The following DCHS2 variants were observed in gnomAD, a reference collection of about 807,000 sequenced individuals.
DCHS2 encodes dachsous cadherin-related 2.
Under a neutral mutation model 182.4 loss-of-function variants are expected in DCHS2, and 142 were observed. That is an observed-to-expected ratio of 0.78 (90% CI 0.68 to 0.89). The LOEUF (loss-of-function observed/expected upper bound fraction) is 0.89, where lower values mean the gene tolerates loss of function less well. Among genes scored for constraint, DCHS2 ranks in the 40% least tolerant of loss-of-function variants. DCHS2 has a pLI of 0.00. For missense variants in DCHS2, 4,319 were observed against 4,198.6 expected, an observed-to-expected ratio of 1.03 and a Z score of -0.79; for synonymous variants, 1,740 against 1,663.3, an observed-to-expected ratio of 1.05 and a Z score of -1.12.
chr4:154,264,921 A>G (rs1733167023), intron 14 of DCHS2, among the ~76,000 whole-genome samples: 1 of 152,212 alleles, frequency 6.6e-6, no homozygotes, highest in South Asian at 2.1e-4. Context: ...TCACAAAAGC[A>G]TGTAAATTGA....
chr4:154,488,643 C>T (rs1206392943), intron 1 of DCHS2, among the ~76,000 whole-genome samples: 2 of 152,094 alleles, frequency 1.3e-5, no homozygotes. Flanking sequence ...TGGCTCACCC[C>T]TGTAATCCCA....
At position 154,490,010 on chromosome 4, in the gene DCHS2, T is replaced by C. The variant is rs1728740710; in HGVS notation, c.1346A>G (p.Glu449Gly). The C allele has an allele frequency of 1.3e-6, 2 of 1,548,664 alleles. No individual in the cohort carries two copies. The highest frequency in any genetic ancestry group is 1.7e-6 in the Non-Finnish European group (2 of 1,146,886). Reference sequence around the variant, plus strand: ...CTCCCCTGTGGCCTCATCTTCCTTCTCCCAGTCACCGTCCGCGTCAGACAC... The same window carrying C: ...CTCCCCTGTGGCCTCATCTTCCTTCCCCCAGTCACCGTCCGCGTCAGACAC... ...VSVSDADGDW[E>G]KEDEATGELG... The change falls in exon 1 of 20, where the codon GAG (glutamate) becomes GGG (glycine). Residue 449 changes from glutamate (E) to glycine (G), a missense_variant. Physicochemically the swap from Glu to Gly is moderately conservative, Grantham distance 98. Transcript: ENST00000357232.
chr4:154,461,545 T>C (rs11725265), intron 1 of DCHS2, among the ~76,000 whole-genome samples: 79,886 of 151,978 alleles, frequency 0.53, 21,508 homozygotes, highest in East Asian at 0.84. Context: ...AGAGAAAATA[T>C]ATAAAATGGA....
At chr4:154,481,697 A>C (rs973071797) in intron 1 of DCHS2, among the ~76,000 whole-genome samples, 1 of 152,204 alleles carries the variant, frequency 6.6e-6, no homozygotes, top group Non-Finnish European at 1.5e-5. Flanking sequence ...ATCTCATTTA[A>C]TCGCCACAAT....
In DCHS2 at chr4:154,240,543, G is replaced by A; in HGVS notation, c.7353C>T (p.Phe2451=). Residue 2451 remains phenylalanine (F), a synonymous_variant, in exon 18 of 20, where the codon TTC becomes TTT. Transcript: ENST00000357232. ...NDNPPVFSQD[F]YQVTVPESIP... ...ATCTCTTTAAGCCCTTTACCTGATA[G>A]AAATCTTGAGAAAACACTGGTGGAT... is the stretch of plus-strand genomic sequence containing the variant. The A allele has an allele frequency of 6.2e-7, 1 of 1,613,214 alleles. No homozygotes were observed. The highest frequency in any genetic ancestry group is 8.5e-7 in the Non-Finnish European group (1 of 1,179,450).
chr4:154,395,715 A>G (rs966850829), intron 1 of DCHS2, among the ~76,000 whole-genome samples: 1 of 152,244 alleles, frequency 6.6e-6, no homozygotes, highest in Admixed American at 6.5e-5. Context: ...CAAAGTAGCT[A>G]TAAGACTATT....
rs565369936 is a variant in DCHS2, at chr4:154,291,910, T to C, written c.6463+5941A>G. Among the ~76,000 whole-genome samples the C allele has an allele frequency of 1.4e-3, 213 of 152,230 alleles. 1 individual carries two copies. Among genetic ancestry groups the C allele is most frequent in the Non-Finnish European group, 2.6e-3 (175 of 67,998 alleles). On this transcript the variant is annotated intron_variant, in intron 13 of 19. Transcript: ENST00000357232. Reference sequence around the variant, plus strand: ...TGATAGCACAACAGGGTTCCTACCGTCAACAATAATTTATTGTACATGTAA... The same window carrying C: ...TGATAGCACAACAGGGTTCCTACCGCCAACAATAATTTATTGTACATGTAA...
chr4:154,378,392 C>A (rs1003396644), intron 1 of DCHS2, among the ~76,000 whole-genome samples: 1 of 142,734 alleles, frequency 7.0e-6, no homozygotes, highest in Non-Finnish European at 1.5e-5. Context: ...ATAGCACTTA[C>A]AATAAAAGCA....
rs1271506427 is a variant in DCHS2 at position 154,305,178 on chromosome 4, A to C, written c.5314T>G (p.Phe1772Val). The C allele has an allele frequency of 1.2e-6, 2 of 1,613,022 alleles. No homozygotes were observed. The highest frequency in any genetic ancestry group is 3.3e-5 in the Admixed American group (2 of 59,990). Residue 1772 changes from phenylalanine to valine, a missense_variant, in exon 11 of 20, where the codon TTC (phenylalanine) becomes GTC (valine). By Grantham distance (50) the Phe-to-Val change is conservative. Coordinates refer to ENST00000357232, the MANE Select transcript of DCHS2 (RefSeq NM_001358235.2). ...EIMPGASFELFEINSDTGEVV... is the reference protein window; with the variant it reads ...EIMPGASFELVEINSDTGEVV... ...TCTCCAGTGTCAGAATTTATCTCGA[A>C]TAATTCAAATGAAGCACCTGGCATG...
chr4:154,252,561 C>T (rs1732429155), intron 16 of DCHS2, among the ~76,000 whole-genome samples: 1 of 151,702 alleles, frequency 6.6e-6, no homozygotes, highest in Non-Finnish European at 1.5e-5. Flanking sequence ...ATTTTTAGCT[C>T]CCACAAATAA....
chr4:154,394,348 C>T (rs552408037), intron 1 of DCHS2, among the ~76,000 whole-genome samples: 94 of 152,274 alleles, frequency 6.2e-4, no homozygotes, highest in African/African-American at 2.1e-3. Context: ...GCACAAGGCC[C>T]CCCTCAGGAG....
intron 3 of DCHS2, among the ~76,000 whole-genome samples, chr4:154,335,961 G>A (rs1490789894): frequency 3.3e-5 from 5 of 152,136 alleles, no homozygotes; most frequent in South Asian, 2.1e-4. Context: ...GCAGGCTAGC[G>A]CAGGGTTGTA....
chr4:154,259,881 G>A lies in DCHS2; in HGVS notation c.6578-125C>T, dbSNP rs531156437. ...ACTGTCGCCCAGGCTGGAGTGCAGT[G>A]GTGAAATCTCGGCTCACTGCAACCT... On this transcript the variant is annotated intron_variant, in intron 14 of 19. Coordinates refer to ENST00000357232, the MANE Select transcript of DCHS2 (RefSeq NM_001358235.2). 53 of 1,159,454 alleles carry A rather than the reference G, an allele frequency of 4.6e-5. 1 individual carries two copies. In the South Asian group the frequency reaches 9.9e-4, roughly 22 times the overall value. The allele number at this position is 1,159,454 out of a possible 1,614,324, so 71.8% of individuals were successfully genotyped here.
chr4:154,452,339 A>G (rs1734567721), intron 1 of DCHS2, among the ~76,000 whole-genome samples: 1 of 152,176 alleles, frequency 6.6e-6, no homozygotes, highest in East Asian at 1.9e-4. Context: ...CCTACTAAAG[A>G]AGCTTTAAAA....
chr4:154,373,898 A>G (rs771653966), intron 2 of DCHS2: 2 of 1,588,890 alleles, frequency 1.3e-6, no homozygotes, highest in Middle Eastern at 1.7e-4. Flanking sequence ...GACTCAGATT[A>G]TAGAAACATC....
rs183389046 is a variant in DCHS2, at chr4:154,297,691, C to A, written c.6463+160G>T. 1.4e-4 allele frequency among the ~76,000 whole-genome samples: 21 copies of A among 152,302 alleles called. No individual in the cohort carries two copies. In the East Asian group the frequency reaches 2.5e-3, roughly 18 times the overall value. On this transcript the variant is annotated intron_variant, in intron 13 of 19. Transcript: ENST00000357232. ...TTCTGCCCTGTCATTTCATCTCAGACCAGGTTCCACTTAACCATGTTTATT... is the reference window on the plus strand; with the variant it reads ...TTCTGCCCTGTCATTTCATCTCAGAACAGGTTCCACTTAACCATGTTTATT...
intron 14 of DCHS2, among the ~76,000 whole-genome samples, chr4:154,267,956 T>C (rs1292899447): frequency 6.6e-6 from 1 of 152,238 alleles, no homozygotes; most frequent in Non-Finnish European, 1.5e-5. Context: ...CAATGCTTTC[T>C]GTTGCAACAT....
intron 10 of DCHS2, among the ~76,000 whole-genome samples, chr4:154,311,515 A>G (rs1735672283): frequency 6.6e-6 from 1 of 152,198 alleles, no homozygotes; most frequent in Non-Finnish European, 1.5e-5. Context: ...TATTACAGGC[A>G]TGAGCCACCG....
intron 2 of DCHS2, among the ~76,000 whole-genome samples, chr4:154,371,113 G>A (rs1730623859): frequency 1.3e-5 from 2 of 151,956 alleles, no homozygotes; most frequent in South Asian, 2.1e-4. Context: ...TGATAGTAAA[G>A]TCTCCCAGAA....
Sources: allele counts gnomAD v4.1 joint callset (sites outside exome capture counted in the v4.1 genomes callset), GRCh38; gene constraint gnomAD v4.1.1; transcripts MANE v1.5; gene names NCBI Gene and HGNC (gene_info 2026-07-23, HGNC 2026-07-21).